The following PVT1 variants were observed in gnomAD, a reference collection of about 807,000 sequenced individuals.
PVT1 encodes the protein Pvt1 oncogene, also known as CXCR4/PVT1 fusion.
At chr8:128,100,568 G>T (rs1814491650) in intron 6 of PVT1, among the ~76,000 whole-genome samples, 1 of 152,182 alleles carries the variant, frequency 6.6e-6, no homozygotes, top group South Asian at 2.1e-4. Flanking sequence ...TCTGACAAAG[G>T]CCTTGAGATG....
chr8:127,812,914 AT>A lies in PVT1; in HGVS notation n.372+16848del, dbSNP rs373487428. 2.5e-3 allele frequency among the ~76,000 whole-genome samples: 375 copies of A among 152,194 alleles called. 2 individuals are homozygous for A. Among genetic ancestry groups the A allele is most frequent in the African/African-American group, 8.9e-3 (370 of 41,518 alleles). On this transcript the variant is annotated intron_variant and non_coding_transcript_variant, in intron 2 of 10. Transcript: ENST00000651587. ...AGGGAACAAACAAGAGGAACTATAG[AT>A]TTTTATAGTCTGCAAGAGCCCAGTC...
intron 3 of PVT1, among the ~76,000 whole-genome samples, chr8:127,896,965 C>T (rs953476253): frequency 1.3e-5 from 2 of 152,156 alleles, no homozygotes; most frequent in African/African-American, 4.8e-5. Flanking sequence ...GCTGACCTCA[C>T]CCCATGAAGC....
At chr8:127,890,341 G>T (rs773888826) in intron 2 of PVT1, among the ~76,000 whole-genome samples, 6 of 152,168 alleles carry the variant, frequency 3.9e-5, no homozygotes, top group Non-Finnish European at 8.8e-5. Flanking sequence ...CCCCTCTCAG[G>T]GTGCTCCTGA....
chr8:128,010,423 A>T (rs1282361931), intron 4 of PVT1: 1 of 152,240 alleles, frequency 6.6e-6, no homozygotes, highest in Non-Finnish European at 1.5e-5. Flanking sequence ...TTAACCTGTC[A>T]TCAAGACCTG....
chr8:128,040,031 T>G (rs1813512191), intron 4 of PVT1, among the ~76,000 whole-genome samples: 1 of 152,068 alleles, frequency 6.6e-6, no homozygotes, highest in South Asian at 2.1e-4. Flanking sequence ...TGTTTTTTTG[T>G]GGATAGAGGT....
At chr8:127,889,015 C>T (rs1815560638) in intron 2 of PVT1, among the ~76,000 whole-genome samples, 1 of 151,074 alleles carries the variant, frequency 6.6e-6, no homozygotes, top group Non-Finnish European at 1.5e-5. Context: ...TTGTTTCAAA[C>T]CCCTTTTCCT....
intron 3 of PVT1, among the ~76,000 whole-genome samples, chr8:127,953,824 C>G (rs570643711): frequency 6.6e-6 from 1 of 151,834 alleles, no homozygotes; most frequent in African/African-American, 2.4e-5. Context: ...CTCTTCTTTT[C>G]TTTTGTTTCC....
chr8:128,075,948 A>G (rs1718962583), intron 5 of PVT1, among the ~76,000 whole-genome samples: 1 of 152,202 alleles, frequency 6.6e-6, no homozygotes, highest in Admixed American at 6.5e-5. Context: ...CATTTTATCA[A>G]AATCAGCCAC....
chr8:127,982,651 A>ATAATTAATTAATTAATTAATTAAT (rs35546489), intron 3 of PVT1, among the ~76,000 whole-genome samples: 1 of 145,948 alleles, frequency 6.9e-6, no homozygotes, highest in South Asian at 2.2e-4. Flanking sequence ...CTCTACAAAA[A>ATAATTAATTAATTAATTAATTAAT]TAATTAATTA....
At chr8:127,895,623 A>G (rs1431279827) in intron 3 of PVT1, among the ~76,000 whole-genome samples, 3 of 152,222 alleles carry the variant, frequency 2.0e-5, no homozygotes, top group Non-Finnish European at 4.4e-5. Context: ...ATAAAATTTT[A>G]AAATGGGATT....
chr8:127,904,544 T>C (rs544141950), intron 3 of PVT1, among the ~76,000 whole-genome samples: 1 of 152,326 alleles, frequency 6.6e-6, no homozygotes, highest in South Asian at 2.1e-4. Flanking sequence ...TCGTTATACC[T>C]GCAGAACATT....
intron 4 of PVT1, among the ~76,000 whole-genome samples, chr8:127,991,140 C>CTTTTTTTTTT (rs35494368): frequency 2.3e-4 from 17 of 73,096 alleles, no homozygotes; most frequent in Non-Finnish European, 3.6e-4. Context: ...TCTTTTCTTT[C>CTTTTTTTTTT]TTTTTTTTTT....
At chr8:128,098,111 ACT>A (rs2130178078) in intron 6 of PVT1, among the ~76,000 whole-genome samples, 2 of 151,092 alleles carry the variant, frequency 1.3e-5, no homozygotes, top group South Asian at 4.2e-4. Context: ...TGTCCCCTCT[ACT>A]CTCTGCCTTC....
At chr8:127,913,166 G>A (rs2129849331) in intron 3 of PVT1, among the ~76,000 whole-genome samples, 1 of 152,290 alleles carries the variant, frequency 6.6e-6, no homozygotes, top group South Asian at 2.1e-4. Flanking sequence ...CTCCCTTCTT[G>A]CTAACTTTGA....
intron 4 of PVT1, among the ~76,000 whole-genome samples, chr8:128,030,154 G>T (rs139166110): frequency 6.6e-6 from 1 of 151,968 alleles, no homozygotes; most frequent in Non-Finnish European, 1.5e-5. Context: ...TCCTACCAAC[G>T]TATATACTCA....
At chr8:128,015,153 G>A (rs1035704050) in intron 4 of PVT1, among the ~76,000 whole-genome samples, 11 of 151,764 alleles carry the variant, frequency 7.2e-5, no homozygotes, top group East Asian at 1.9e-4. Flanking sequence ...ACAGTGGTGC[G>A]ATCTCAGCTA....
intron 2 of PVT1, among the ~76,000 whole-genome samples, chr8:127,801,816 AG>A: frequency 6.6e-6 from 1 of 152,204 alleles, no homozygotes; most frequent in East Asian, 1.9e-4. Flanking sequence ...AGCACTTGAA[AG>A]GAAATTGATA....
intron 3 of PVT1, among the ~76,000 whole-genome samples, chr8:127,957,956 C>T (rs929210216): frequency 1.3e-5 from 2 of 152,198 alleles, no homozygotes; most frequent in African/African-American, 4.8e-5. Context: ...CAGATCTTGG[C>T]CATGGTTTCT....
At chr8:128,055,172 CACACACACACCCACAT>C (rs145631028) in intron 4 of PVT1, among the ~76,000 whole-genome samples, 8,787 of 152,216 alleles carry the variant, frequency 0.058, 293 homozygotes, top group South Asian at 0.14. Flanking sequence ...CATGCACAGA[CACACACACACCCACAT>C]ACACACACAT....
Sources: gnomAD v4.1 joint callset for allele counts (sites outside exome capture counted in the v4.1 genomes callset) on GRCh38, gnomAD v4.1.1 for gene constraint, MANE v1.5 for transcripts, NCBI Gene and HGNC (gene_info 2026-07-23, HGNC 2026-07-21) for gene names.